MKKS: variants seen among roughly 807,000 people sequenced by gnomAD.
The protein encoded by MKKS is molecular chaperone MKKS.
Under a neutral mutation model 33.2 loss-of-function variants are expected in MKKS, and 29 were observed. That is an observed-to-expected ratio of 0.87 (90% confidence interval 0.65 to 1.19). The LOEUF is 1.19. Ranked by LOEUF, MKKS falls within the 50% of genes most tolerant of loss-of-function variation. MKKS has a pLI of 0.00. For synonymous variants in MKKS, 260 were observed against 244.0 expected (o/e 1.07, Z -0.61); for missense variants, 661 against 662.3 (o/e 1.00, Z 0.02).
At position 10,420,952 on chromosome 20, in the gene MKKS, A is replaced by G. The variant is rs544559033; in HGVS notation, c.-648-194T>C. Among the ~76,000 whole-genome samples, 9 of 152,354 alleles carry G rather than the reference A, an allele frequency of 5.9e-5. No homozygotes were observed. In the South Asian group the frequency reaches 1.4e-3, roughly 25 times the overall value. On this transcript the variant is annotated intron_variant, in intron 1 of 5. Coordinates refer to ENST00000347364, the MANE Select transcript of MKKS (RefSeq NM_170784.3). ...ATTGACCCAAAGGGAGCAGGCAGTC[A>G]GCCTTGGGAAACTTACAGAGCAATA...
At chr20:10,433,066 T>C (rs1555803448) in intron 1 of MKKS, among the ~76,000 whole-genome samples, 2 of 152,218 alleles carry the variant, frequency 1.3e-5, no homozygotes, top group Non-Finnish European at 2.9e-5. Flanking sequence ...TGCAGTGGCG[T>C]GATCTCCGCT....
intron 3 of MKKS, among the ~76,000 whole-genome samples, chr20:10,410,429 A>T (rs1199291443): frequency 6.6e-6 from 1 of 152,122 alleles, no homozygotes; most frequent in Non-Finnish European, 1.5e-5. Context: ...TCAGGAGTTC[A>T]GGACCAGCCT....
At chr20:10,429,979 T>C (rs896149813) in intron 1 of MKKS, among the ~76,000 whole-genome samples, 2 of 152,200 alleles carry the variant, frequency 1.3e-5, no homozygotes, top group African/African-American at 4.8e-5. Context: ...ACTGTTCTAG[T>C]CTACATCCAC....
At chr20:10,423,149 G>C (rs2064992998) in intron 1 of MKKS, among the ~76,000 whole-genome samples, 2 of 152,262 alleles carry the variant, frequency 1.3e-5, no homozygotes, top group Non-Finnish European at 1.5e-5. Context: ...TATAAAAAGA[G>C]ATTAGGGCCA....
chr20:10,409,829 G>T (rs1357354195), intron 3 of MKKS, among the ~76,000 whole-genome samples: 1 of 151,590 alleles, frequency 6.6e-6, no homozygotes, highest in Non-Finnish European at 1.5e-5. Flanking sequence ...AAACTAGCCG[G>T]GCGTGGTGGC....
At chr20:10,423,403 T>C (rs1019089024) in intron 1 of MKKS, among the ~76,000 whole-genome samples, 5 of 151,988 alleles carry the variant, frequency 3.3e-5, no homozygotes, top group Non-Finnish European at 5.9e-5. Context: ...GGACAGGTGA[T>C]GAAATGCGAT....
chr20:10,431,347 A>T lies in MKKS; in HGVS notation c.-649+2761T>A, dbSNP rs185278473. Among the ~76,000 whole-genome samples, 8 of 152,282 alleles carry T rather than the reference A, an allele frequency of 5.3e-5. No individual in the cohort carries two copies. In the East Asian group the frequency reaches 1.5e-3, roughly 29 times the overall value. Reference sequence around the variant, plus strand: ...TTAGCAATTTTCACTTCAAATATGTACAAGATTAATTCTATCCAAATGCTC... The same window carrying T: ...TTAGCAATTTTCACTTCAAATATGTTCAAGATTAATTCTATCCAAATGCTC... On this transcript the variant is annotated intron_variant, in intron 1 of 5. Transcript: ENST00000347364.
Position 10,412,469 on chromosome 20 carries a change from C to G in MKKS, c.985+61G>C. ...TAACAGTGACACAAACCAAAAATAT[C>G]TCTGCTCAAAAAAGTGTGATTTATT... On this transcript the variant is annotated intron_variant, in intron 3 of 5. Transcript: ENST00000347364. 6 of 1,559,918 alleles carry G rather than the reference C, an allele frequency of 3.8e-6. No homozygotes were observed. In the South Asian group the frequency reaches 6.7e-5, roughly 17 times the overall value.
At chr20:10,410,994 G>T (rs6133913) in intron 3 of MKKS, among the ~76,000 whole-genome samples, 21,680 of 144,250 alleles carry the variant, frequency 0.15, 1,737 homozygotes, top group East Asian at 0.25. Context: ...AAAATGTTTG[G>T]TTTTTTTTTT....
At chr20:10,427,029 G>GACACACACACATACAC (rs1226255722) in intron 1 of MKKS, among the ~76,000 whole-genome samples, 1 of 130,724 alleles carries the variant, frequency 7.6e-6, no homozygotes, top group Non-Finnish European at 1.6e-5. Context: ...AGAAAACACT[G>GACACACACACATACAC]ACACACACAC....
chr20:10,421,191 A>T (rs528834181), intron 1 of MKKS, among the ~76,000 whole-genome samples: 2 of 152,266 alleles, frequency 1.3e-5, no homozygotes, highest in Admixed American at 1.3e-4. Flanking sequence ...GCACTTTGGG[A>T]GGCTGAGGCA....
intron 1 of MKKS, among the ~76,000 whole-genome samples, chr20:10,423,378 C>T (rs1028054800): frequency 5.3e-5 from 8 of 152,054 alleles, no homozygotes; most frequent in Non-Finnish European, 1.0e-4. Context: ...GCTGAGATAA[C>T]ACCATTGCAC....
chr20:10,416,338 T>A (rs2064938887), intron 2 of MKKS, among the ~76,000 whole-genome samples: 3 of 152,038 alleles, frequency 2.0e-5, no homozygotes, highest in African/African-American at 7.2e-5. Flanking sequence ...AGGTAAGAAA[T>A]ACACAAGGTA....
At chr20:10,428,799 G>A (rs565322620) in intron 1 of MKKS, among the ~76,000 whole-genome samples, 4 of 152,186 alleles carry the variant, frequency 2.6e-5, no homozygotes, top group East Asian at 1.9e-4. Flanking sequence ...AGTCGAGATC[G>A]CGCCATTGCA....
chr20:10,427,257 G>A (rs1258970768), intron 1 of MKKS, among the ~76,000 whole-genome samples: 1 of 152,132 alleles, frequency 6.6e-6, no homozygotes, highest in African/African-American at 2.4e-5. Context: ...TACATCAAAT[G>A]TTCTCATTTT....
intron 2 of MKKS, among the ~76,000 whole-genome samples, chr20:10,414,471 GC>G (rs1397116199): frequency 6.6e-6 from 1 of 151,916 alleles, no homozygotes; most frequent in Non-Finnish European, 1.5e-5. Context: ...CTCCATGTTT[GC>G]CAGGTTGGTC....
intron 3 of MKKS, among the ~76,000 whole-genome samples, chr20:10,409,977 CAAAAAAAAAAAAAAA>C (rs58776463): frequency 1.8e-5 from 1 of 54,230 alleles, no homozygotes; most frequent in Non-Finnish European, 3.0e-5. Flanking sequence ...GACTTTGTCT[CAAAAAAAAAAAAAAA>C]AAAAAAAAAA....
chr20:10,409,095 A>G (rs1448102774), intron 3 of MKKS, among the ~76,000 whole-genome samples: 1 of 152,228 alleles, frequency 6.6e-6, no homozygotes, highest in East Asian at 1.9e-4. Flanking sequence ...ACAATTTTGC[A>G]TACATTTTCA....
chr20:10,422,446 C>T (rs1298276813), intron 1 of MKKS, among the ~76,000 whole-genome samples: 3 of 151,954 alleles, frequency 2.0e-5, no homozygotes, highest in Admixed American at 2.0e-4. Context: ...AGGCAAAAGC[C>T]TTTGGGAATT....
Sources: allele counts gnomAD v4.1 joint callset (sites outside exome capture counted in the v4.1 genomes callset), GRCh38; gene constraint gnomAD v4.1.1; transcripts MANE v1.5; gene names NCBI Gene and HGNC (gene_info 2026-07-23, HGNC 2026-07-21).